SACS: variants seen among roughly 807,000 people sequenced by gnomAD.
SACS encodes sacsin.
Under a neutral mutation model 348.0 loss-of-function variants are expected in SACS, and 197 were observed. The ratio of observed to expected loss-of-function variants is 0.57; its 90% confidence interval spans 0.50 to 0.64. The LOEUF (loss-of-function observed/expected upper bound fraction) is 0.64. SACS is among the 30% of genes least tolerant of loss of function. The pLI is 0.00. For missense variants in SACS, 4,999 were observed against 5,360.8 expected (o/e 0.93, Z 2.11); for synonymous variants, 1,985 against 1,910.6 (o/e 1.04, Z -1.02).
Position 23,411,468 on chromosome 13 carries a change from T to C in SACS, c.-229A>G. The C allele has an allele frequency of 1.7e-6, 1 of 572,614 alleles. No homozygotes were observed. The highest frequency in any genetic ancestry group is 3.1e-6 in the Non-Finnish European group (1 of 324,336). The allele number at this position is 572,614 out of a possible 1,614,324, so 35.5% of individuals were successfully genotyped here. The stretch of plus-strand genomic sequence containing the variant: ...CTTAAAGTATGACTCTCCAGTCTGA[T>C]AATGGTTGCCTGCTGATCCAGCGAC... On this transcript the variant is annotated 5_prime_UTR_variant, in exon 2 of 10. Coordinates refer to ENST00000382292, the MANE Select transcript of SACS (RefSeq NM_014363.6).
chr13:23,335,439 C>T lies in SACS; in HGVS notation c.8437G>A (p.Gly2813Arg), dbSNP rs189592234. The change falls in exon 10 of 10, where the codon GGA becomes AGA. Residue 2813 changes from glycine (G) to arginine (R), a missense_variant. By Grantham distance (125) the Gly-to-Arg change is moderately radical. Coordinates refer to ENST00000382292, the MANE Select transcript of SACS (RefSeq NM_014363.6). This position sits in a 1 kb window ranked among gnomAD's most constrained non-coding sequence, Gnocchi z 4.7. ...TYTMDTEDSE[G>R]NLTTWLICNR... ...CAAATTAGCCACGTAGTAAGATTTC[C>T]TTCAGAGTCCTCAGTATCCATAGTA... 2 of 1,613,844 alleles carry T rather than the reference C, an allele frequency of 1.2e-6. No individual in the cohort carries two copies. The highest frequency in any genetic ancestry group is 2.2e-5 in the East Asian group (1 of 44,890).
intron 2 of SACS, among the ~76,000 whole-genome samples, chr13:23,378,751 T>G (rs1048192723): frequency 1.3e-5 from 2 of 152,162 alleles, no homozygotes; most frequent in African/African-American, 4.8e-5. Flanking sequence ...TCTTGCAACA[T>G]TTTATAGAAA....
Position 23,333,151 on chromosome 13 carries a change from A to C in SACS, c.10725T>G (p.His3575Gln). Residue 3575 changes from histidine (H) to glutamine (Q), a missense_variant, in exon 10 of 10, where the codon CAT becomes CAG. Physicochemically the swap from His to Gln is conservative, Grantham distance 24. Around this residue, in one of 6 missense-constraint regions of SACS, gnomAD observed 831 missense variants for 941.8 expected, o/e 0.88. Coordinates refer to ENST00000382292, the MANE Select transcript of SACS (RefSeq NM_014363.6). Reference protein sequence around the residue: ...KLEQLIKPKNHVTFMTSWVEF... With the variant: ...KLEQLIKPKNQVTFMTSWVEF... ...CCACCCAGGATGTCATAAATGTAAC[A>C]TGATTTTTGGGTTTTATAAGTTGTT... The C allele has an allele frequency of 6.2e-7, 1 of 1,612,280 alleles. No homozygotes were observed. Among genetic ancestry groups the C allele is most frequent in the Non-Finnish European group, 8.5e-7 (1 of 1,179,280 alleles).
At chr13:23,424,384 G>C (rs1049864316) in intron 1 of SACS, among the ~76,000 whole-genome samples, 1 of 152,186 alleles carries the variant, frequency 6.6e-6, no homozygotes, top group Non-Finnish European at 1.5e-5. Flanking sequence ...AATTAGCCGG[G>C]CATGGTGGCG....
At position 23,336,832 on chromosome 13, in the gene SACS, T is replaced by G; in HGVS notation, c.7044A>C (p.Leu2348=). The G allele has an allele frequency of 6.2e-7, 1 of 1,613,136 alleles. No homozygotes were observed. The highest frequency in any genetic ancestry group is 8.5e-7 in the Non-Finnish European group (1 of 1,179,188). ...CTGAGTCAACATATGCATTCTCAACTAGAATGAAGCTAAAGGGTTTTAACT... is the reference window on the plus strand; with the variant it reads ...CTGAGTCAACATATGCATTCTCAACGAGAATGAAGCTAAAGGGTTTTAACT... The part of the protein sequence containing the change: ...IDKLKPFSFI[L]VENAYVDSEK... The change falls in exon 10 of 10, where the codon CTA becomes CTC. Residue 2348 remains leucine (L), a synonymous_variant. Transcript: ENST00000382292.
intron 2 of SACS, among the ~76,000 whole-genome samples, chr13:23,381,355 G>GCGCACACACACA (rs143375673): frequency 7.1e-5 from 10 of 139,976 alleles, no homozygotes; most frequent in Non-Finnish European, 1.1e-4. Context: ...GCAGCACGAA[G>GCGCACACACACA]CACACACACA....
At chr13:23,352,591 T>C (rs1870033734) in intron 9 of SACS, among the ~76,000 whole-genome samples, 1 of 152,128 alleles carries the variant, frequency 6.6e-6, no homozygotes, top group Non-Finnish European at 1.5e-5. Flanking sequence ...CACTGTTCTA[T>C]ATGCATCTTA....
At chr13:23,403,504 T>C (rs944674725) in intron 2 of SACS, among the ~76,000 whole-genome samples, 10 of 152,354 alleles carry the variant, frequency 6.6e-5, no homozygotes, top group African/African-American at 2.4e-4. Context: ...CAGGAATTTA[T>C]CCATCTTCTC....
intron 2 of SACS, among the ~76,000 whole-genome samples, chr13:23,385,357 G>GTTTTTTTTTTTTTTTTTTTTTTTT (rs201476512): frequency 6.8e-6 from 1 of 147,416 alleles, no homozygotes. Context: ...AATCATGGAT[G>GTTTTTTTTTTTTTTTTTTTTTTTT]TTCTTTTTTT....
intron 1 of SACS, among the ~76,000 whole-genome samples, chr13:23,429,346 T>C (rs866280926): frequency 5.8e-5 from 2 of 34,262 alleles, no homozygotes; most frequent in East Asian, 2.0e-3. Flanking sequence ...GAGGTAGGGA[T>C]TTTTTTTTTT....
chr13:23,402,073 G>A (rs954221546), intron 2 of SACS, among the ~76,000 whole-genome samples: 4 of 152,042 alleles, frequency 2.6e-5, no homozygotes, highest in African/African-American at 9.7e-5. Context: ...AGCTACTCGG[G>A]AGACTGAGGC....
chr13:23,345,857 T>C (rs1002142699), intron 9 of SACS, among the ~76,000 whole-genome samples: 4 of 152,060 alleles, frequency 2.6e-5, no homozygotes, highest in East Asian at 3.9e-4. Flanking sequence ...AAATGGAACA[T>C]GAACTTGGGG....
chr13:23,380,737 A>C (rs777536536), intron 2 of SACS, among the ~76,000 whole-genome samples: 3 of 152,186 alleles, frequency 2.0e-5, no homozygotes, highest in Non-Finnish European at 2.9e-5. Context: ...GCCATGACCT[A>C]ACTGTGCTCT....
At chr13:23,410,774 T>C (rs1873448578) in intron 2 of SACS, among the ~76,000 whole-genome samples, 1 of 152,198 alleles carries the variant, frequency 6.6e-6, no homozygotes, top group Non-Finnish European at 1.5e-5. Flanking sequence ...GCAAGCATTA[T>C]ATTTTGTCAT....
chr13:23,340,076 T>C lies in SACS; in HGVS notation c.3800A>G (p.Lys1267Arg). 6.2e-7 allele frequency: 1 copy of C among 1,613,992 alleles called. No individual in the cohort carries two copies. The highest frequency in any genetic ancestry group is 8.5e-7 in the Non-Finnish European group (1 of 1,179,940). Residue 1267 changes from lysine to arginine, a missense_variant, in exon 10 of 10, where the codon AAA becomes AGA. Lys to Arg is a conservative substitution (Grantham distance 26). This residue lies in a region of SACS where 3,156 missense variants were observed against 3,380.1 expected (regional missense o/e 0.93). Coordinates refer to ENST00000382292, the MANE Select transcript of SACS (RefSeq NM_014363.6). ...GFMHDHLNEGKDSFRALKFPW... is the reference protein window; with the variant it reads ...GFMHDHLNEGRDSFRALKFPW... ...AAATTTTAAGGCTCTAAAAGAATCT[T>C]TCCCTTCATTTAGATGATCATGCAT...
chr13:23,336,027 A>C lies in SACS; in HGVS notation c.7849T>G (p.Tyr2617Asp). ...LGKGTKEGNP[Y>D]KTGQYGIGFN... is the part of the protein sequence containing the mutation. ...CCTATTCCATACTGTCCAGTTTTATAAGGATTTCCCTCTTTCGTGCCTTTT... is the reference window on the plus strand; with the variant it reads ...CCTATTCCATACTGTCCAGTTTTATCAGGATTTCCCTCTTTCGTGCCTTTT... Residue 2617 changes from tyrosine to aspartate, a missense_variant, in exon 10 of 10, where the codon TAT becomes GAT. By Grantham distance (160) the Tyr-to-Asp change is radical. Around this residue, in one of 6 missense-constraint regions of SACS, gnomAD observed 3,156 missense variants for 3,380.1 expected, o/e 0.93. Transcript: ENST00000382292. 6.2e-7 allele frequency: 1 copy of C among 1,612,788 alleles called. No individual in the cohort carries two copies. The highest frequency in any genetic ancestry group is 8.5e-7 in the Non-Finnish European group (1 of 1,178,866).
At chr13:23,404,842 C>T (rs1873133605) in intron 2 of SACS, among the ~76,000 whole-genome samples, 1 of 152,132 alleles carries the variant, frequency 6.6e-6, no homozygotes, top group Non-Finnish European at 1.5e-5. Flanking sequence ...CCTAAGAATA[C>T]ACCTTACATG....
At position 23,411,471 on chromosome 13, in the gene SACS, T is replaced by C. The variant is rs1873478559; in HGVS notation, c.-232A>G. The C allele has an allele frequency of 1.8e-6, 1 of 569,858 alleles. No individual in the cohort carries two copies. The allele number at this position is 569,858 out of a possible 1,614,324, so 35.3% of individuals were successfully genotyped here. A position where few individuals can be genotyped will look rare whatever the true frequency, so the allele number is the denominator to read the frequency against. Reference sequence around the variant, plus strand: ...AAAGTATGACTCTCCAGTCTGATAATGGTTGCCTGCTGATCCAGCGACCCA... The same window carrying C: ...AAAGTATGACTCTCCAGTCTGATAACGGTTGCCTGCTGATCCAGCGACCCA... On this transcript the variant is annotated 5_prime_UTR_variant, in exon 2 of 10. Coordinates refer to ENST00000382292, the MANE Select transcript of SACS (RefSeq NM_014363.6).
At position 23,331,913 on chromosome 13, in the gene SACS, T is replaced by A; in HGVS notation, c.11963A>T (p.Lys3988Ile). The A allele has an allele frequency of 2.5e-6, 4 of 1,614,066 alleles. No individual in the cohort carries two copies. Among genetic ancestry groups the A allele is most frequent in the Non-Finnish European group, 3.4e-6 (4 of 1,179,954 alleles). Residue 3988 changes from lysine to isoleucine, a missense_variant, in exon 10 of 10, where the codon AAA becomes ATA. Lys to Ile is a moderately radical substitution (Grantham distance 102). Transcript: ENST00000382292. Reference sequence around the variant, plus strand: ...ACACAACGCTCCAAACTGACAAACTTTGGGAGTCTCTTCATCTAATTGTTC... The same window carrying A: ...ACACAACGCTCCAAACTGACAAACTATGGGAGTCTCTTCATCTAATTGTTC... ...LEEQLDEETP[K>I]VCQFGALCSL...
Sources: allele counts gnomAD v4.1 joint callset (sites outside exome capture counted in the v4.1 genomes callset), GRCh38; gene constraint gnomAD v4.1.1; regional missense constraint gnomAD v4.1.1; non-coding constraint Gnocchi (gnomAD v3.1); transcripts MANE v1.5; gene names NCBI Gene and HGNC (gene_info 2026-07-23, HGNC 2026-07-21).